CNTNAP2: variants seen among roughly 807,000 people sequenced by gnomAD.
The protein encoded by CNTNAP2 is contactin-associated protein-like 2.
Under a neutral mutation model 155.2 loss-of-function variants are expected in CNTNAP2, and 98 were observed. The ratio of observed to expected loss-of-function variants is 0.63; its 90% CI spans 0.54 to 0.75. The LOEUF (loss-of-function observed/expected upper bound fraction) is 0.75, where lower values mean the gene tolerates loss of function less well. Among genes scored for constraint, CNTNAP2 ranks in the 30% least tolerant of loss-of-function variants. The pLI is 0.00. For missense variants in CNTNAP2, 1,727 were observed against 1,688.1 expected (o/e 1.02, Z -0.40); for synonymous variants, 651 against 631.2 (o/e 1.03, Z -0.47).
chr7:147,877,934 G>T (rs1799450299), intron 13 of CNTNAP2, among the ~76,000 whole-genome samples: 1 of 152,174 alleles, frequency 6.6e-6, no homozygotes, highest in Non-Finnish European at 1.5e-5. Context: ...CCCTACATTG[G>T]AGAATTAAAG....
chr7:146,636,366 G>A (rs1023314410), intron 1 of CNTNAP2, among the ~76,000 whole-genome samples: 1 of 151,392 alleles, frequency 6.6e-6, no homozygotes, highest in African/African-American at 2.5e-5. Context: ...TTACTCTGAA[G>A]ATTCAGATAA....
chr7:147,948,798 A>C (rs1360524749), intron 14 of CNTNAP2, among the ~76,000 whole-genome samples: 1 of 152,020 alleles, frequency 6.6e-6, no homozygotes, highest in East Asian at 1.9e-4. Flanking sequence ...CCTACCGTTG[A>C]CTGGAAACCT....
intron 7 of CNTNAP2, among the ~76,000 whole-genome samples, chr7:147,130,609 G>C (rs1801333455): frequency 6.6e-6 from 1 of 152,106 alleles, no homozygotes; most frequent in African/African-American, 2.4e-5. Context: ...TCTTAGATGG[G>C]ATAGAGACAA....
chr7:146,397,939 T>A (rs1416270417), intron 1 of CNTNAP2, among the ~76,000 whole-genome samples: 2 of 150,436 alleles, frequency 1.3e-5, no homozygotes. Flanking sequence ...AGTGGTGTGA[T>A]CTTGCTTCAC....
At chr7:148,174,688 C>T (rs373262420) in intron 18 of CNTNAP2, among the ~76,000 whole-genome samples, 13 of 152,270 alleles carry the variant, frequency 8.5e-5, no homozygotes, top group South Asian at 6.2e-4. Context: ...TGAGAATACA[C>T]GCCAAAATAT....
At chr7:146,809,989 A>G (rs1189211044) in intron 2 of CNTNAP2, among the ~76,000 whole-genome samples, 1 of 152,134 alleles carries the variant, frequency 6.6e-6, no homozygotes, top group Non-Finnish European at 1.5e-5. Flanking sequence ...CAGCTCTTAC[A>G]TTTAAGTCTT....
In CNTNAP2 at chr7:147,108,128, A is replaced by T. The variant is rs879657342; in HGVS notation, c.551-19A>T. On this transcript the variant is annotated intron_variant, in intron 4 of 23. Coordinates refer to ENST00000361727, the MANE Select transcript of CNTNAP2 (RefSeq NM_014141.6). The stretch of plus-strand genomic sequence containing the variant: ...ACATACATGGCTGAACTAATATGTT[A>T]TTTTTTTTTTTGTTTTAGGGGCTGA... The T allele has an allele frequency of 1.1e-5, 14 of 1,313,494 alleles. No individual in the cohort carries two copies. Among genetic ancestry groups the T allele is most frequent in the Middle Eastern group, 2.0e-4 (1 of 4,990 alleles). 81.4% of individuals were successfully genotyped at this position (1,313,494 alleles called of 1,614,324 possible). A position where few individuals can be genotyped will look rare whatever the true frequency, so the allele number is the denominator to read the frequency against.
At chr7:148,310,264 A>G (rs1031790801) in intron 21 of CNTNAP2, among the ~76,000 whole-genome samples, 6 of 152,216 alleles carry the variant, frequency 3.9e-5, no homozygotes, top group African/African-American at 1.4e-4. Flanking sequence ...GTTGTCATAC[A>G]CCAGGCCAGA....
intron 1 of CNTNAP2, among the ~76,000 whole-genome samples, chr7:146,289,014 GGCTCGT>G (rs1475794400): frequency 2.0e-5 from 3 of 151,422 alleles, no homozygotes; most frequent in Non-Finnish European, 4.4e-5. Context: ...ATGTTGGCCA[GGCTCGT>G]CTGGAACTCC....
At chr7:146,152,920 G>T (rs904973381) in intron 1 of CNTNAP2, among the ~76,000 whole-genome samples, 3 of 152,032 alleles carry the variant, frequency 2.0e-5, no homozygotes, top group Non-Finnish European at 2.9e-5. Context: ...TACATTTTAT[G>T]ATTTACTCCC....
chr7:146,954,019 A>G (rs1170019461), intron 3 of CNTNAP2, among the ~76,000 whole-genome samples: 3 of 151,934 alleles, frequency 2.0e-5, no homozygotes, highest in Admixed American at 2.0e-4. Context: ...ATACCACCAT[A>G]TAACGTGGGT....
At chr7:147,607,344 G>T (rs1336795631) in intron 12 of CNTNAP2, among the ~76,000 whole-genome samples, 1 of 151,744 alleles carries the variant, frequency 6.6e-6, no homozygotes, top group Admixed American at 6.6e-5. Context: ...CACACTGTGG[G>T]GTATTGTTTT....
intron 10 of CNTNAP2, among the ~76,000 whole-genome samples, chr7:147,477,946 A>G (rs1798350713): frequency 6.6e-6 from 1 of 152,206 alleles, no homozygotes; most frequent in Admixed American, 6.5e-5. Context: ...TCTGAACCCA[A>G]CCTATGGTTG....
intron 23 of CNTNAP2, among the ~76,000 whole-genome samples, chr7:148,409,825 G>T (rs1403956101): frequency 1.0e-5 from 1 of 95,340 alleles, no homozygotes; most frequent in Non-Finnish European, 2.3e-5. Flanking sequence ...GCCGAGGCGG[G>T]CGGATCACAA....
At chr7:147,248,678 T>C (rs1185213361) in intron 8 of CNTNAP2, among the ~76,000 whole-genome samples, 1 of 152,252 alleles carries the variant, frequency 6.6e-6, no homozygotes, top group Non-Finnish European at 1.5e-5. Context: ...ATGATGAGCA[T>C]GCCCATAGTC....
At position 147,878,041 on chromosome 7, in the gene CNTNAP2, C is replaced by T. The variant is rs113946135; in HGVS notation, c.2099-25524C>T. The stretch of plus-strand genomic sequence containing the variant: ...TTCTAATTACTATATTTTGGTAGGG[C>T]GAAACTGAGTATGCTGATGGTTTTT... On this transcript the variant is annotated intron_variant, in intron 13 of 23. Transcript: ENST00000361727. Among the ~76,000 whole-genome samples the T allele has an allele frequency of 1.1e-4, 17 of 152,088 alleles. No homozygotes were observed. The South Asian group carries it at 1.7e-3, about 15-fold the overall frequency.
chr7:148,240,511 C>T (rs971017660), intron 20 of CNTNAP2, among the ~76,000 whole-genome samples: 4 of 152,102 alleles, frequency 2.6e-5, no homozygotes, highest in Admixed American at 6.5e-5. Context: ...AGAGACCCCA[C>T]GGATTACAAA....
At chr7:146,480,036 C>T (rs905279064) in intron 1 of CNTNAP2, among the ~76,000 whole-genome samples, 1 of 152,106 alleles carries the variant, frequency 6.6e-6, no homozygotes, top group Non-Finnish European at 1.5e-5. Flanking sequence ...TCACCCACAT[C>T]GACCTCCCAA....
At chr7:148,086,588 T>C (rs201352764) in intron 15 of CNTNAP2, among the ~76,000 whole-genome samples, 1 of 152,378 alleles carries the variant, frequency 6.6e-6, no homozygotes, top group African/African-American at 2.4e-5. Context: ...TGTGCTAATA[T>C]AGTGAATGTG....
Sources: gnomAD v4.1 joint callset for allele counts (sites outside exome capture counted in the v4.1 genomes callset) on GRCh38, gnomAD v4.1.1 for gene constraint, MANE v1.5 for transcripts, NCBI Gene and HGNC (gene_info 2026-07-23, HGNC 2026-07-21) for gene names.